RNF150: variants seen among roughly 807,000 people sequenced by gnomAD.
The protein encoded by RNF150 is ring finger protein 150.
A neutral mutation model predicts 39.3 loss-of-function variants in RNF150; 24 were observed. That is an observed-to-expected ratio of 0.61 (90% CI 0.44 to 0.86). The LOEUF (loss-of-function observed/expected upper bound fraction) is 0.86, where lower values mean the gene tolerates loss of function less well. RNF150 is among the 40% of genes least tolerant of loss of function. The pLI is 0.00. For missense variants in RNF150, 502 were observed against 587.8 expected, an observed-to-expected ratio of 0.85 and a Z score of 1.51; for synonymous variants, 255 against 227.3, an observed-to-expected ratio of 1.12 and a Z score of -1.10.
rs1180586758 is a variant in RNF150, at chr4:140,868,240, T to G, written c.*21A>C. On this transcript the variant is annotated 3_prime_UTR_variant, in exon 7 of 7. Transcript: ENST00000515673. ...CCTTTCCCTTGGGTCCTACTATCTCTTTGCTTCTGGATTTGTCGTTTCAAG... is the reference window on the plus strand; with the variant it reads ...CCTTTCCCTTGGGTCCTACTATCTCGTTGCTTCTGGATTTGTCGTTTCAAG... 1.4e-6 allele frequency: 2 copies of G among 1,396,502 alleles called. No individual in the cohort carries two copies. The highest frequency in any genetic ancestry group is 2.8e-5 in the African/African-American group (2 of 70,590). 86.5% of individuals were successfully genotyped at this position (1,396,502 alleles called of 1,614,324 possible).
chr4:141,169,231 G>A (rs1444802456), intron 1 of RNF150, among the ~76,000 whole-genome samples: 4 of 151,920 alleles, frequency 2.6e-5, no homozygotes, highest in South Asian at 2.1e-4. Flanking sequence ...GTGTAGCACC[G>A]CCCCCTTTTT....
chr4:141,123,840 T>C (rs1304573285), intron 1 of RNF150, among the ~76,000 whole-genome samples: 1 of 152,198 alleles, frequency 6.6e-6, no homozygotes, highest in Non-Finnish European at 1.5e-5. Context: ...CTCAGAATGA[T>C]GGTTTCCAGC....
intron 1 of RNF150, chr4:141,053,752 G>A: frequency 1.5e-6 from 2 of 1,320,096 alleles, no homozygotes; most frequent in South Asian, 4.0e-5. Flanking sequence ...CGATAAAAAT[G>A]AAAAAGAAAA....
intron 1 of RNF150, among the ~76,000 whole-genome samples, chr4:141,080,632 C>A (rs949354159): frequency 6.6e-6 from 1 of 151,992 alleles, no homozygotes; most frequent in African/African-American, 2.4e-5. Flanking sequence ...GTTTTTTGTT[C>A]TTTTCTGTCT....
intron 1 of RNF150, among the ~76,000 whole-genome samples, chr4:141,151,960 A>G (rs1003788246): frequency 1.4e-4 from 21 of 152,292 alleles, no homozygotes; most frequent in African/African-American, 4.1e-4. Context: ...GGAAAAATTC[A>G]TGATGTAGGT....
chr4:141,057,607 T>C (rs1737035648), intron 1 of RNF150, among the ~76,000 whole-genome samples: 1 of 152,126 alleles, frequency 6.6e-6, no homozygotes. Flanking sequence ...TGCATCCTCA[T>C]AGCTTAGCTC....
chr4:141,117,013 G>A (rs368685432), intron 1 of RNF150, among the ~76,000 whole-genome samples: 2 of 152,032 alleles, frequency 1.3e-5, no homozygotes, highest in African/African-American at 4.8e-5. Context: ...ACTAGGGGAG[G>A]GGAGGGATAG....
intron 1 of RNF150, among the ~76,000 whole-genome samples, chr4:141,100,972 A>G (rs1425699321): frequency 6.6e-6 from 1 of 152,206 alleles, no homozygotes; most frequent in Non-Finnish European, 1.5e-5. Context: ...CTAATCATGA[A>G]TGGCGCTTCT....
intron 1 of RNF150, among the ~76,000 whole-genome samples, chr4:141,001,395 C>T (rs991973636): frequency 6.6e-6 from 1 of 152,008 alleles, no homozygotes; most frequent in Non-Finnish European, 1.5e-5. Context: ...CTACTCCTTT[C>T]TCTCCTGTTT....
intron 1 of RNF150, among the ~76,000 whole-genome samples, chr4:141,032,093 G>A (rs1735971518): frequency 1.3e-5 from 2 of 151,776 alleles, no homozygotes; most frequent in African/African-American, 4.8e-5. Flanking sequence ...CACACACAGT[G>A]AAATATTCAG....
chr4:141,012,781 C>CAAAAAAAAAAAAA lies in RNF150; in HGVS notation c.485-44921_485-44909dup, dbSNP rs397995597. Among the ~76,000 whole-genome samples the CAAAAAAAAAAAAA allele has an allele frequency of 3.2e-4, 23 of 71,432 alleles. 1 individual carries two copies. The highest frequency in any genetic ancestry group is 5.0e-4 in the Non-Finnish European group (20 of 39,896). The allele number at this position is 71,432 out of a possible 152,430, so 46.9% of individuals were successfully genotyped here. ...CTGGTGACAGAGTAAGACTCTGTCT[C>CAAAAAAAAAAAAA]AAAAAAAAAAAAAAAAAAAAAGGCA... On this transcript the variant is annotated intron_variant, in intron 1 of 6. Coordinates refer to ENST00000515673, the MANE Select transcript of RNF150 (RefSeq NM_020724.2).
At chr4:140,912,753 A>T (rs1578956997) in intron 5 of RNF150, among the ~76,000 whole-genome samples, 1 of 152,300 alleles carries the variant, frequency 6.6e-6, no homozygotes, top group African/African-American at 2.4e-5. Context: ...CTCTCTAGCT[A>T]TATTGGAAGT....
chr4:141,080,894 A>G (rs1249033339), intron 1 of RNF150, among the ~76,000 whole-genome samples: 1 of 152,220 alleles, frequency 6.6e-6, no homozygotes, highest in Non-Finnish European at 1.5e-5. Flanking sequence ...GGCTACCACA[A>G]GGAAGGAACA....
chr4:140,960,561 C>G (rs963121004), intron 2 of RNF150, among the ~76,000 whole-genome samples: 1 of 152,190 alleles, frequency 6.6e-6, no homozygotes, highest in African/African-American at 2.4e-5. Flanking sequence ...TCCCTCACTC[C>G]TACCCCTGCC....
At chr4:140,871,956 G>A (rs1033710610) in intron 6 of RNF150, among the ~76,000 whole-genome samples, 9 of 152,102 alleles carry the variant, frequency 5.9e-5, no homozygotes, top group African/African-American at 2.2e-4. Flanking sequence ...TTACAAAAAT[G>A]GTTCGGTTTT....
At chr4:141,124,363 C>T (rs1726697130) in intron 1 of RNF150, among the ~76,000 whole-genome samples, 1 of 152,168 alleles carries the variant, frequency 6.6e-6, no homozygotes, top group Admixed American at 6.5e-5. Flanking sequence ...AGGAGGCTGC[C>T]ACTAGTTCAG....
intron 1 of RNF150, among the ~76,000 whole-genome samples, chr4:141,168,203 A>C (rs950476765): frequency 6.6e-6 from 1 of 152,226 alleles, no homozygotes; most frequent in Admixed American, 6.5e-5. Flanking sequence ...AAAGCTCATC[A>C]TCACTGGTCA....
At chr4:141,089,510 A>G (rs757809009) in intron 1 of RNF150, among the ~76,000 whole-genome samples, 57 of 152,196 alleles carry the variant, frequency 3.7e-4, no homozygotes, top group Non-Finnish European at 7.6e-4. Flanking sequence ...CAAGAAAACA[A>G]ACATGATCAA....
In RNF150 at chr4:140,917,568, T is replaced by G. The variant is rs941332094; in HGVS notation, c.988-6214A>C. 1.2e-4 allele frequency among the ~76,000 whole-genome samples: 18 copies of G among 152,148 alleles called. 1 individual carries two copies. The highest frequency in any genetic ancestry group is 6.5e-5 in the Admixed American group (1 of 15,276). ...GTCCTTAGTGACCTACAAAGAGACTTAGACTCCCACACAATCATAATGGGA... is the reference window on the plus strand; with the variant it reads ...GTCCTTAGTGACCTACAAAGAGACTGAGACTCCCACACAATCATAATGGGA... On this transcript the variant is annotated intron_variant, in intron 5 of 6. Transcript: ENST00000515673.
Sources: allele counts gnomAD v4.1 joint callset (sites outside exome capture counted in the v4.1 genomes callset), GRCh38; gene constraint gnomAD v4.1.1; transcripts MANE v1.5; gene names NCBI Gene and HGNC (gene_info 2026-07-23, HGNC 2026-07-21).